TRIM2: variants seen among roughly 807,000 people sequenced by gnomAD.
TRIM2 encodes tripartite motif containing 2, also known as tripartite motif-containing protein 2.
TRIM2 carries 20 observed loss-of-function variants against 75.2 expected under a neutral mutation model. The ratio of observed to expected loss-of-function variants is 0.27; its 90% CI spans 0.19 to 0.39. The LOEUF (loss-of-function observed/expected upper bound fraction) is 0.39, where lower values mean the gene tolerates loss of function less well. Ranked by LOEUF, TRIM2 falls within the 10% of genes least tolerant of loss-of-function variation. The pLI, the probability that TRIM2 is intolerant of heterozygous loss-of-function variation, is 1.00. For missense variants in TRIM2, 660 were observed against 990.8 expected (o/e 0.67, Z 4.48); for synonymous variants, 373 against 388.3 (o/e 0.96, Z 0.46).
chr4:153,279,464 C>CAAGAAAT (rs57619787), intron 3 of TRIM2, among the ~76,000 whole-genome samples: 3 of 151,464 alleles, frequency 2.0e-5, no homozygotes, highest in Non-Finnish European at 4.4e-5. Flanking sequence ...ATTATTTAAT[C>CAAGAAAT]AATAGAAAAT....
upstream of TRIM2, among the ~76,000 whole-genome samples, chr4:153,201,361 A>ATT (rs962965571): frequency 2.0e-5 from 3 of 152,128 alleles, no homozygotes; most frequent in Admixed American, 2.0e-4. Flanking sequence ...AGAAATATCT[A>ATT]TTTAAGACCT....
At chr4:153,334,036 A>G (rs572490331) in intron 11 of TRIM2, among the ~76,000 whole-genome samples, 1 of 151,724 alleles carries the variant, frequency 6.6e-6, no homozygotes, top group African/African-American at 2.4e-5. Context: ...ATGACTCAGG[A>G]ACATTCTTCC....
intron 1 of TRIM2, among the ~76,000 whole-genome samples, chr4:153,234,251 G>T (rs1425785665): frequency 1.3e-5 from 2 of 152,132 alleles, no homozygotes; most frequent in African/African-American, 4.8e-5. Context: ...TTTTCTCCTT[G>T]ACATCTATGA....
At chr4:153,259,232 A>T (rs1752809919) in intron 1 of TRIM2, among the ~76,000 whole-genome samples, 1 of 152,218 alleles carries the variant, frequency 6.6e-6, no homozygotes, top group African/African-American at 2.4e-5. Context: ...TAGTCCTGCA[A>T]TGACTTAATT....
chr4:153,249,771 C>T (rs1312469826), intron 1 of TRIM2, among the ~76,000 whole-genome samples: 1 of 152,146 alleles, frequency 6.6e-6, no homozygotes, highest in Non-Finnish European at 1.5e-5. Context: ...AACTTGACAC[C>T]GCCTTGAATT....
At chr4:153,299,368 T>TATATATAC (rs1560975111) in intron 6 of TRIM2, among the ~76,000 whole-genome samples, 1 of 152,136 alleles carries the variant, frequency 6.6e-6, no homozygotes, top group African/African-American at 2.4e-5. Flanking sequence ...TATATATATA[T>TATATATAC]ACACACAGTG....
Position 153,324,080 on chromosome 4 carries a change from C to A in TRIM2, c.1954C>A (p.Pro652Thr). 6.2e-7 allele frequency: 1 copy of A among 1,611,720 alleles called. No individual in the cohort carries two copies. Among genetic ancestry groups the A allele is most frequent in the South Asian group, 1.1e-5 (1 of 90,516 alleles). ...RGNGDRQFAGPHFAAVNSNNE... is the reference protein window; with the variant it reads ...RGNGDRQFAGTHFAAVNSNNE... Reference sequence around the variant, plus strand: ...ATTTTTTTCCATCTTTATTGCAGGTCCCCATTTTGCAGCTGTAAATAGCAA... The same window carrying A: ...ATTTTTTTCCATCTTTATTGCAGGTACCCATTTTGCAGCTGTAAATAGCAA... Residue 652 changes from proline (P) to threonine (T), a missense_variant and splice_region_variant, in exon 10 of 12, where the codon CCC becomes ACC. Physicochemically the swap from Pro to Thr is conservative, Grantham distance 38 (BLOSUM62 -1). This residue lies in a region of TRIM2 where 620 missense variants were observed against 891.0 expected (regional missense o/e 0.70). Coordinates refer to ENST00000338700, the MANE Select transcript of TRIM2 (RefSeq NM_015271.5).
intron 1 of TRIM2, among the ~76,000 whole-genome samples, chr4:153,187,707 C>T (rs757342760): frequency 6.6e-6 from 1 of 152,152 alleles, no homozygotes; most frequent in Non-Finnish European, 1.5e-5. Context: ...TGACTGGGCC[C>T]TGACAAAGGG....
intron 1 of TRIM2, among the ~76,000 whole-genome samples, chr4:153,244,437 T>TCCTCTTC: frequency 9.7e-6 from 1 of 102,594 alleles, no homozygotes; most frequent in African/African-American, 5.4e-5. Flanking sequence ...TTCTTCTTCT[T>TCCTCTTC]TTAATTAGAG....
intron 1 of TRIM2, among the ~76,000 whole-genome samples, chr4:153,219,851 G>C (rs1229339984): frequency 1.3e-5 from 2 of 152,132 alleles, no homozygotes; most frequent in African/African-American, 2.4e-5. Flanking sequence ...TTCGGTGACA[G>C]AGTCAGATCC....
chr4:153,167,384 A>T (rs1340959512), intron 1 of TRIM2, among the ~76,000 whole-genome samples: 2 of 152,222 alleles, frequency 1.3e-5, no homozygotes, highest in Non-Finnish European at 2.9e-5. Context: ...AAAGGAAAAA[A>T]GTCTCTAAAC....
chr4:153,264,963 T>A (rs925415331), intron 1 of TRIM2, among the ~76,000 whole-genome samples: 1 of 152,186 alleles, frequency 6.6e-6, no homozygotes, highest in Non-Finnish European at 1.5e-5. Context: ...ACTTAATTAA[T>A]TTACCATGCA....
At chr4:153,166,856 A>T (rs949868736) in intron 1 of TRIM2, among the ~76,000 whole-genome samples, 1 of 152,232 alleles carries the variant, frequency 6.6e-6, no homozygotes, top group East Asian at 1.9e-4. Flanking sequence ...CCTACCATTC[A>T]GTATACAGAT....
intron 3 of TRIM2, among the ~76,000 whole-genome samples, chr4:153,278,509 T>C (rs1579277676): frequency 6.6e-6 from 1 of 152,266 alleles, no homozygotes; most frequent in African/African-American, 2.4e-5. Context: ...TCTCCTAATG[T>C]TTCTAAGGGC....
rs184355609 is a variant in TRIM2 at position 153,306,816 on chromosome 4, T to C, written c.1511-8669T>C. ...CACTGCAGAAATGGGAAATGCTACA[T>C]ATCAGAGCTCCCCTGGCCTCCCAGG... On this transcript the variant is annotated intron_variant, in intron 6 of 11. Coordinates refer to ENST00000338700, the MANE Select transcript of TRIM2 (RefSeq NM_015271.5). Among the ~76,000 whole-genome samples, 63 of 152,122 alleles carry C rather than the reference T, an allele frequency of 4.1e-4. No individual in the cohort carries two copies. In the East Asian group the frequency reaches 0.012, roughly 28 times the overall value.
intron 1 of TRIM2, among the ~76,000 whole-genome samples, chr4:153,184,290 G>T (rs1732370752): frequency 6.6e-6 from 1 of 152,186 alleles, no homozygotes. Context: ...TTCCTGGCTT[G>T]CAGACAGCTG....
chr4:153,244,173 TCTTCTTCTCCTC>T (rs1460842337), intron 1 of TRIM2, among the ~76,000 whole-genome samples: 3 of 139,976 alleles, frequency 2.1e-5, no homozygotes, highest in Non-Finnish European at 3.0e-5. Flanking sequence ...TTCTTCTTCT[TCTTCTTCTCCTC>T]CTTCTTCTTC....
At chr4:153,284,723 T>A (rs1265041533) in intron 3 of TRIM2, among the ~76,000 whole-genome samples, 1 of 152,254 alleles carries the variant, frequency 6.6e-6, no homozygotes, top group East Asian at 1.9e-4. Context: ...ATGTGCTAAT[T>A]GACCATTTGT....
At chr4:153,237,152 G>A (rs1397213279) in intron 1 of TRIM2, among the ~76,000 whole-genome samples, 4 of 152,210 alleles carry the variant, frequency 2.6e-5, no homozygotes, top group Admixed American at 2.6e-4. Flanking sequence ...GGGTTGGGGT[G>A]TGGGAAATTA....
Sources: gnomAD v4.1 joint callset for allele counts (sites outside exome capture counted in the v4.1 genomes callset) on GRCh38, gnomAD v4.1.1 for gene constraint, gnomAD v4.1.1 regional missense constraint, MANE v1.5 for transcripts, NCBI Gene and HGNC (gene_info 2026-07-23, HGNC 2026-07-21) for gene names.